Variants in CD163 observed in about 807,000 individuals in gnomAD.
CD163 encodes the protein scavenger receptor cysteine-rich type 1 protein M130.
Under a neutral mutation model 129.2 loss-of-function variants are expected in CD163, and 64 were observed. That is an observed-to-expected ratio of 0.50 (90% CI 0.41 to 0.61). CD163 has a LOEUF of 0.61. Among genes scored for constraint, CD163 ranks in the 20% least tolerant of loss-of-function variants. CD163 has a pLI of 0.00. For missense variants in CD163, 1,061 were observed against 1,377.9 expected, an observed-to-expected ratio of 0.77 and a Z score of 3.64; for synonymous variants, 446 against 478.5, an observed-to-expected ratio of 0.93 and a Z score of 0.89.
chr12:7,480,083 C>T, intron 15 of CD163, 170 bp from the exon 16 acceptor site: 1 of 1,231,518 alleles, frequency 8.1e-7, no homozygotes, highest in Non-Finnish European at 1.1e-6. Context: ...AAAACACCAC[C>T]CATAACTAGG....
At chr12:7,481,446 T>C (rs1440349733) in intron 14 of CD163, among the ~76,000 whole-genome samples, 190 bp from the exon 15 acceptor site, 3 of 152,212 alleles carry the variant, frequency 2.0e-5, no homozygotes, top group Admixed American at 2.0e-4. Flanking sequence ...AGGCTAAATC[T>C]TCCCCACTGC....
intron 16 of CD163, among the ~76,000 whole-genome samples, chr12:7,474,255 A>G (rs1444682586): frequency 6.6e-6 from 1 of 152,130 alleles, no homozygotes; most frequent in East Asian, 1.9e-4. Context: ...AGAACTCTCC[A>G]CTCCAAATCA....
At chr12:7,500,900 G>A (rs1949475299) in intron 3 of CD163, among the ~76,000 whole-genome samples, 1 of 151,896 alleles carries the variant, frequency 6.6e-6, no homozygotes, top group African/African-American at 2.4e-5. Context: ...TTGGCTTTTT[G>A]GCTAAGATCA....
chr12:7,488,996 C>T (rs2136713343), intron 6 of CD163, among the ~76,000 whole-genome samples: 1 of 152,240 alleles, frequency 6.6e-6, no homozygotes, highest in South Asian at 2.1e-4. Flanking sequence ...TTATTTCATT[C>T]AATCCTTAAA....
chr12:7,502,742 T>C, intron 1 of CD163, 178 bp from the exon 2 acceptor site: 1 of 637,530 alleles, frequency 1.6e-6, no homozygotes, highest in Non-Finnish European at 2.8e-6. Context: ...TTCAGTGAAA[T>C]GGTTTTGAAA....
chr12:7,483,747 G>C, intron 11 of CD163, 72 bp from the exon 12 acceptor site: 1 of 870,680 alleles, frequency 1.1e-6, no homozygotes, highest in Non-Finnish European at 1.6e-6. Flanking sequence ...GGTGAAAAGA[G>C]AGATTTGAAA....
rs1184458421 is a variant in CD163, at chr12:7,471,360, A to G, written c.*69T>C. ...GAGAGGTGAATTTCTGCTCCATTCA[A>G]TAGTCCAGGTCTTCATCAAGGTATC... On this transcript the variant is annotated 3_prime_UTR_variant, in exon 17 of 17. Transcript: ENST00000432237. 1 of 152,228 alleles carries G rather than the reference A, an allele frequency of 6.6e-6. No individual in the cohort carries two copies. Among genetic ancestry groups the G allele is most frequent in the Non-Finnish European group, 1.5e-5 (1 of 68,030 alleles). The allele number at this position is 152,228 out of a possible 1,614,324, so 9.4% of individuals were successfully genotyped here.
chr12:7,490,265 A>C (rs1286364777), intron 6 of CD163, among the ~76,000 whole-genome samples: 1 of 152,044 alleles, frequency 6.6e-6, no homozygotes, highest in Non-Finnish European at 1.5e-5. Flanking sequence ...TCTTTAAGGA[A>C]TATGGTCACG....
Position 7,483,318 on chromosome 12 carries a change from CT to C in CD163, c.3088+48del, listed in dbSNP as rs766442796. On this transcript the variant is annotated intron_variant, in intron 12 of 16. Transcript: ENST00000432237. ...CACAACACACATCACTGCCCAACCCCTCTTTGCTGCCAGAGATTCCAAGCTC... is the reference window on the plus strand; with the variant it reads ...CACAACACACATCACTGCCCAACCCCCTTTGCTGCCAGAGATTCCAAGCTC... The C allele has an allele frequency of 3.7e-4, 576 of 1,560,528 alleles. 4 individuals are homozygous for C. The South Asian group carries it at 6.0e-3, about 16-fold the overall frequency.
chr12:7,479,717 G>A (rs1421364743), intron 16 of CD163, 143 bp downstream of exon 16: 2 of 696,180 alleles, frequency 2.9e-6, no homozygotes, highest in African/African-American at 3.7e-5. Flanking sequence ...TCTCAATATA[G>A]ATATATACAT....
chr12:7,498,336 C>T (rs919184851), intron 4 of CD163, among the ~76,000 whole-genome samples: 3 of 151,844 alleles, frequency 2.0e-5, no homozygotes, highest in Non-Finnish European at 4.4e-5. Flanking sequence ...GAGTATACAA[C>T]GTGAAAGTCT....
At chr12:7,501,510 A>C in intron 2 of CD163, 48 bp from the exon 3 acceptor site, 1 of 1,425,602 alleles carries the variant, frequency 7.0e-7, no homozygotes, top group South Asian at 1.2e-5. Flanking sequence ...GCAAAGAGCA[A>C]GTAGAAAATT....
rs143222609 is a variant in CD163, at chr12:7,499,268, T to C, written c.458-80A>G. 5.2e-5 allele frequency: 66 copies of C among 1,272,666 alleles called. No homozygotes were observed. In the East Asian group the frequency reaches 1.3e-3, roughly 25 times the overall value. 78.8% of individuals were successfully genotyped at this position (1,272,666 alleles called of 1,614,324 possible). Reference sequence around the variant, plus strand: ...TAGAAAAGAAGTTTCCTCTGGACACTTGGGATTTTATGTTGTCCTTAAAAT... The same window carrying C: ...TAGAAAAGAAGTTTCCTCTGGACACCTGGGATTTTATGTTGTCCTTAAAAT... On this transcript the variant is annotated intron_variant, in intron 3 of 16. Coordinates refer to ENST00000432237, the MANE Select transcript of CD163 (RefSeq NM_203416.4).
chr12:7,484,541 G>T (rs1450001729), intron 11 of CD163, among the ~76,000 whole-genome samples: 1 of 151,080 alleles, frequency 6.6e-6, no homozygotes, highest in Non-Finnish European at 1.5e-5. Flanking sequence ...CAGGAGGCTG[G>T]AGCAGGAGAA....
In CD163 at chr12:7,496,847, G is replaced by A. The variant is rs748920830; in HGVS notation, c.1065C>T (p.Cys355=). Residue 355 remains cysteine, a synonymous_variant, in exon 5 of 17, where the codon TGC becomes TGT. Coordinates refer to ENST00000432237, the MANE Select transcript of CD163 (RefSeq NM_203416.4). The surrounding 1 kb of genome is among the most constrained non-coding windows in gnomAD (Gnocchi z 4.8). ...CKHHEWGKHY[C]NHNEDAGVTC... ...TCACGCCAGCATCTTCATTGTGATT[G>A]CAATAATGCTTTCCCCATTCATGGT... 3.1e-6 allele frequency: 5 copies of A among 1,614,040 alleles called. No individual in the cohort carries two copies. The Admixed American group carries it at 8.3e-5, about 27-fold the overall frequency.
intron 15 of CD163, chr12:7,480,665 T>C (rs1240920030): frequency 1.2e-5 from 2 of 160,154 alleles, no homozygotes; most frequent in East Asian, 3.8e-4. Context: ...TCATGCTAAG[T>C]GAGTAGGTTT....
Position 7,503,655 on chromosome 12 carries a change from A to G in CD163, c.36T>C (p.Ser12=), listed in dbSNP as rs1413980836. 1 of 1,601,140 alleles carries G rather than the reference A, an allele frequency of 6.2e-7. No individual in the cohort carries two copies. Among genetic ancestry groups the G allele is most frequent in the Admixed American group, 1.7e-5 (1 of 59,140 alleles). ...ATGAGAAGCTTTTACCAGCAGATCCAGAGTCTTCAAGTAGCACCATTCTGA... is the reference window on the plus strand; with the variant it reads ...ATGAGAAGCTTTTACCAGCAGATCCGGAGTCTTCAAGTAGCACCATTCTGA... The part of the protein sequence containing the change: ...SKLRMVLLED[S]GSADFRRHFV... Residue 12 remains serine, a synonymous_variant, in exon 1 of 17, where the codon TCT becomes TCC. Transcript: ENST00000432237.
At chr12:7,499,855 G>T (rs920229758) in intron 3 of CD163, among the ~76,000 whole-genome samples, 1 of 152,156 alleles carries the variant, frequency 6.6e-6, no homozygotes, top group African/African-American at 2.4e-5. Context: ...ACTGAGCCAT[G>T]AGGATCTTCA....
intron 6 of CD163, among the ~76,000 whole-genome samples, chr12:7,489,373 T>C (rs954379044): frequency 2.0e-5 from 3 of 152,154 alleles, no homozygotes; most frequent in African/African-American, 7.2e-5. Context: ...TGATTATAAA[T>C]ATATTAATAA....
Sources: allele counts gnomAD v4.1 joint callset (sites outside exome capture counted in the v4.1 genomes callset), GRCh38; gene constraint gnomAD v4.1.1; non-coding constraint Gnocchi (gnomAD v3.1); transcripts MANE v1.5; gene names NCBI Gene and HGNC (gene_info 2026-07-23, HGNC 2026-07-21).